Variants in POU6F2 observed in about 807,000 individuals in gnomAD.
POU6F2 encodes the protein POU class 6 homeobox 2.
POU6F2 carries 31 observed loss-of-function variants against 71.3 expected under a neutral mutation model. The ratio of observed to expected loss-of-function variants is 0.43; its 90% CI spans 0.33 to 0.59. The LOEUF is 0.59. POU6F2 is among the 20% of genes least tolerant of loss of function. The probability of loss-of-function intolerance (pLI) is 0.04; values close to 1 mark genes in which losing one functional copy is unlikely to be tolerated. For missense variants in POU6F2, 783 were observed against 856.8 expected (o/e 0.91, Z 1.07); for synonymous variants, 347 against 355.7 (o/e 0.98, Z 0.27).
chr7:38,990,323 C>T (rs1439001150), intron 1 of POU6F2, among the ~76,000 whole-genome samples: 1 of 152,072 alleles, frequency 6.6e-6, no homozygotes, highest in Admixed American at 6.6e-5. Context: ...TTTCAACTAA[C>T]CTTTTTCCTG....
chr7:39,316,937 G>A (rs987900847), intron 4 of POU6F2, among the ~76,000 whole-genome samples: 3 of 152,164 alleles, frequency 2.0e-5, no homozygotes, highest in African/African-American at 7.2e-5. Context: ...CTTGAAAAGT[G>A]AGGGGCAAAA....
chr7:38,989,866 T>G (rs1788561321), intron 1 of POU6F2, among the ~76,000 whole-genome samples: 1 of 151,352 alleles, frequency 6.6e-6, no homozygotes, highest in African/African-American at 2.4e-5. Flanking sequence ...CCATGCGTAA[T>G]TTCAGGAAAG....
At chr7:39,377,726 GTA>G (rs10609829) in intron 5 of POU6F2, among the ~76,000 whole-genome samples, 4 of 105,756 alleles carry the variant, frequency 3.8e-5, no homozygotes, top group Admixed American at 2.9e-4. Context: ...CCTGAAACAT[GTA>G]GGTTTAACCC....
intron 1 of POU6F2, among the ~76,000 whole-genome samples, chr7:39,002,817 C>G (rs1788950807): frequency 6.6e-6 from 1 of 152,368 alleles, no homozygotes; most frequent in Middle Eastern, 3.4e-3. Flanking sequence ...TTCTTCCCGG[C>G]ATTGCCCTTT....
intron 6 of POU6F2, among the ~76,000 whole-genome samples, chr7:39,427,459 G>C (rs1173834498): frequency 6.6e-6 from 1 of 152,106 alleles, no homozygotes; most frequent in East Asian, 1.9e-4. Context: ...TATTGTTATT[G>C]CTGTTTAAAT....
At chr7:39,041,533 A>G (rs908880705) in intron 1 of POU6F2, among the ~76,000 whole-genome samples, 4 of 151,896 alleles carry the variant, frequency 2.6e-5, no homozygotes, top group African/African-American at 9.7e-5. Context: ...CAAAATGATA[A>G]GTATACTTTA....
At chr7:39,209,761 GC>G (rs1345527053) in intron 4 of POU6F2, among the ~76,000 whole-genome samples, 10 of 152,174 alleles carry the variant, frequency 6.6e-5, no homozygotes, top group Non-Finnish European at 1.5e-4. Context: ...CTATTGCACA[GC>G]CCTTGATAAT....
At chr7:39,147,673 A>T (rs1421201762) in intron 2 of POU6F2, among the ~76,000 whole-genome samples, 1 of 152,172 alleles carries the variant, frequency 6.6e-6, no homozygotes, top group Non-Finnish European at 1.5e-5. Flanking sequence ...TCACATGGCA[A>T]CTTAGAGAAG....
intron 6 of POU6F2, among the ~76,000 whole-genome samples, chr7:39,420,534 A>C (rs961600574): frequency 2.6e-5 from 4 of 152,230 alleles, no homozygotes; most frequent in Non-Finnish European, 5.9e-5. Flanking sequence ...GAAATCCAGA[A>C]CCTAGGTGAA....
At chr7:39,316,087 G>T (rs1359813819) in intron 4 of POU6F2, among the ~76,000 whole-genome samples, 4 of 152,108 alleles carry the variant, frequency 2.6e-5, no homozygotes, top group Non-Finnish European at 1.5e-5. Flanking sequence ...AATGAGAGTG[G>T]TCACAGTCAG....
intron 5 of POU6F2, among the ~76,000 whole-genome samples, chr7:39,359,316 T>A (rs1456871971): frequency 6.6e-6 from 1 of 152,146 alleles, no homozygotes; most frequent in Non-Finnish European, 1.5e-5. Context: ...ATCATCTCAT[T>A]GGCCCCAAGG....
At chr7:39,155,437 T>C (rs1469486373) in intron 2 of POU6F2, among the ~76,000 whole-genome samples, 4 of 152,182 alleles carry the variant, frequency 2.6e-5, no homozygotes, top group Non-Finnish European at 5.9e-5. Context: ...AAAGTGGTTT[T>C]ATTTTTGGGA....
chr7:39,144,892 G>A (rs1486491626), intron 2 of POU6F2, among the ~76,000 whole-genome samples: 1 of 152,200 alleles, frequency 6.6e-6, no homozygotes, highest in African/African-American at 2.4e-5. Context: ...AGGAGTATTT[G>A]ATCTATGGTA....
chr7:39,291,403 T>G (rs893545732), intron 4 of POU6F2, among the ~76,000 whole-genome samples: 2 of 152,250 alleles, frequency 1.3e-5, no homozygotes, highest in Middle Eastern at 3.2e-3. Flanking sequence ...TTATGACACA[T>G]AATTTTAGAT....
Position 39,135,531 on chromosome 7 carries a change from ATAC to A in POU6F2, c.277+49501_277+49503del, listed in dbSNP as rs1792372819. On this transcript the variant is annotated intron_variant, in intron 2 of 9. Coordinates refer to ENST00000518318, the MANE Select transcript of POU6F2 (RefSeq NM_001370959.1). ...GTTTAATATTTTTAACAATGCATTA[ATAC>A]ATCAAGTCAATAAGCCTACTAATTT... 3.3e-5 allele frequency among the ~76,000 whole-genome samples: 5 copies of A among 152,254 alleles called. No homozygotes were observed. The South Asian group carries it at 1.0e-3, about 32-fold the overall frequency.
At chr7:39,227,575 GAC>G (rs1794492055) in intron 4 of POU6F2, among the ~76,000 whole-genome samples, 1 of 113,024 alleles carries the variant, frequency 8.8e-6, no homozygotes, top group Non-Finnish European at 1.8e-5. Flanking sequence ...TTTTTTTTGA[GAC>G]GGAGTCTCGC....
intron 5 of POU6F2, among the ~76,000 whole-genome samples, chr7:39,368,973 T>C (rs1278567981): frequency 6.6e-6 from 1 of 152,128 alleles, no homozygotes; most frequent in Non-Finnish European, 1.5e-5. Flanking sequence ...GCAAGAGAAC[T>C]AGAATTAGAA....
At position 39,386,348 on chromosome 7, in the gene POU6F2, G is replaced by A. The variant is rs531326224; in HGVS notation, c.973-20252G>A. ...GTCTGCTTCTGGGTAAACACACCTG[G>A]AACTCTATCTAGGTGACAGGGTGGC... On this transcript the variant is annotated intron_variant, in intron 5 of 9. Transcript: ENST00000518318. Among the ~76,000 whole-genome samples, 3 of 152,204 alleles carry A rather than the reference G, an allele frequency of 2.0e-5. No homozygotes were observed. In the South Asian group the frequency reaches 6.2e-4, roughly 32 times the overall value.
chr7:39,069,446 G>A lies in POU6F2; in HGVS notation c.106-16414G>A, dbSNP rs112620758. On this transcript the variant is annotated intron_variant, in intron 1 of 9. Coordinates refer to ENST00000518318, the MANE Select transcript of POU6F2 (RefSeq NM_001370959.1). ...TTCATTTTCTGACGAGCTCAAGACC[G>A]TGCATGGTTTTTAAGTCCCACTGGG... is the stretch of plus-strand genomic sequence containing the variant. Among the ~76,000 whole-genome samples, 1,005 of 152,268 alleles carry A rather than the reference G, an allele frequency of 6.6e-3. 12 individuals are homozygous for A. Among genetic ancestry groups the A allele is most frequent in the African/African-American group, 0.023 (962 of 41,534 alleles).
Sources: gnomAD v4.1 joint callset for allele counts (sites outside exome capture counted in the v4.1 genomes callset) on GRCh38, gnomAD v4.1.1 for gene constraint, MANE v1.5 for transcripts, NCBI Gene and HGNC (gene_info 2026-07-23, HGNC 2026-07-21) for gene names.